The following CD226 variants were observed in gnomAD, a reference collection of about 807,000 sequenced individuals.
CD226 encodes the protein CD226 antigen.
A neutral mutation model predicts 34.9 loss-of-function variants in CD226; 24 were observed. The ratio of observed to expected loss-of-function variants is 0.69; its 90% CI spans 0.50 to 0.97. The LOEUF (loss-of-function observed/expected upper bound fraction) is 0.97, where lower values mean the gene tolerates loss of function less well. Ranked by LOEUF, CD226 falls within the 50% of genes least tolerant of loss-of-function variation. The probability of loss-of-function intolerance (pLI) is 0.00; values close to 1 mark genes in which losing one functional copy is unlikely to be tolerated. For missense variants in CD226, 397 were observed against 412.7 expected (o/e 0.96, Z 0.33); for synonymous variants, 148 against 147.4 (o/e 1.00, Z -0.03).
intron 2 of CD226, among the ~76,000 whole-genome samples, chr18:69,911,913 C>T (rs1214137464): frequency 6.6e-6 from 1 of 152,128 alleles, no homozygotes; most frequent in Non-Finnish European, 1.5e-5. Context: ...AAAAATATAT[C>T]TCTTAATCAT....
intron 3 of CD226, among the ~76,000 whole-genome samples, chr18:69,879,556 ATC>A (rs1984088825): frequency 2.0e-5 from 3 of 151,352 alleles, no homozygotes; most frequent in African/African-American, 7.3e-5. Flanking sequence ...TTCTCTGAAA[ATC>A]ACAGTTATCC....
intron 2 of CD226, among the ~76,000 whole-genome samples, chr18:69,940,184 C>T (rs2055705886): frequency 6.6e-6 from 1 of 152,296 alleles, no homozygotes; most frequent in Admixed American, 6.5e-5. Flanking sequence ...TCCCCTTCCA[C>T]CATGATTGTA....
intron 2 of CD226, among the ~76,000 whole-genome samples, chr18:69,901,643 G>A (rs570236160): frequency 6.6e-6 from 1 of 152,212 alleles, no homozygotes; most frequent in East Asian, 1.9e-4. Flanking sequence ...ACTTTGGGAG[G>A]CCGAGGCAGG....
intron 4 of CD226, among the ~76,000 whole-genome samples, chr18:69,870,272 CTTT>C (rs66643759): frequency 1.6e-5 from 2 of 124,090 alleles, no homozygotes; most frequent in Non-Finnish European, 1.7e-5. Context: ...TTGGCTCCCC[CTTT>C]TTTTTTTTTT....
intron 3 of CD226, among the ~76,000 whole-genome samples, chr18:69,884,882 A>G (rs1899355457): frequency 6.6e-6 from 1 of 152,160 alleles, no homozygotes; most frequent in Non-Finnish European, 1.5e-5. Context: ...TGTATGAGAG[A>G]GTGAGATTTC....
intron 2 of CD226, among the ~76,000 whole-genome samples, chr18:69,905,160 T>C (rs1170491343): frequency 6.6e-6 from 1 of 152,112 alleles, no homozygotes; most frequent in African/African-American, 2.4e-5. Context: ...AAACCAGCCC[T>C]GAGAAGGGAC....
intron 3 of CD226, among the ~76,000 whole-genome samples, chr18:69,883,451 C>T (rs1340906400): frequency 1.3e-5 from 2 of 152,156 alleles, no homozygotes; most frequent in Non-Finnish European, 2.9e-5. Flanking sequence ...AACCATCTTG[C>T]TTCTCATTAT....
At position 69,867,344 on chromosome 18, in the gene CD226, C is replaced by T. The variant is rs372456664; in HGVS notation, c.885+13G>A. On this transcript the variant is annotated intron_variant, in intron 5 of 5. Coordinates refer to ENST00000582621, the MANE Select transcript of CD226 (RefSeq NM_001303618.2). ...TTACAAAAGAAAAAAATGACAGTTCCGTATAAACTTACCTTCTGTGTATCC... is the reference window on the plus strand; with the variant it reads ...TTACAAAAGAAAAAAATGACAGTTCTGTATAAACTTACCTTCTGTGTATCC... The T allele has an allele frequency of 1.2e-5, 19 of 1,567,640 alleles. No individual in the cohort carries two copies. Among genetic ancestry groups the T allele is most frequent in the African/African-American group, 6.8e-5 (5 of 73,968 alleles).
upstream of CD226, among the ~76,000 whole-genome samples, chr18:69,949,913 CAT>C (rs1225766806): frequency 3.3e-5 from 5 of 152,120 alleles, no homozygotes; most frequent in Non-Finnish European, 5.9e-5. Context: ...TGCATGTGCA[CAT>C]ATACTCTCAA....
intron 3 of CD226, among the ~76,000 whole-genome samples, chr18:69,878,513 T>C (rs1363472855): frequency 2.0e-5 from 3 of 151,876 alleles, no homozygotes; most frequent in Non-Finnish European, 2.9e-5. Flanking sequence ...TTAATGTCTA[T>C]AGTTTATCCT....
chr18:69,864,550 C>T (rs1983018925), intron 5 of CD226, 111 bp from the exon 6 acceptor site: 2 of 1,029,290 alleles, frequency 1.9e-6, no homozygotes, highest in Non-Finnish European at 2.8e-6. Flanking sequence ...GACAAGTTTC[C>T]ATTATAATTA....
chr18:69,936,162 G>A (rs758499144), intron 2 of CD226, among the ~76,000 whole-genome samples: 23 of 152,134 alleles, frequency 1.5e-4, no homozygotes, highest in South Asian at 4.1e-4. Context: ...TCAGCCATTC[G>A]ATTATTGAAT....
chr18:69,894,941 CAA>C (rs1466517051), intron 3 of CD226, among the ~76,000 whole-genome samples: 1 of 151,992 alleles, frequency 6.6e-6, no homozygotes, highest in East Asian at 1.9e-4. Flanking sequence ...AAAAAAAAGA[CAA>C]ATGCCTAATA....
chr18:69,891,969 C>T (rs540189964), intron 3 of CD226, among the ~76,000 whole-genome samples: 1 of 152,302 alleles, frequency 6.6e-6, no homozygotes, highest in East Asian at 1.9e-4. Flanking sequence ...ACTCTCCATA[C>T]CAACCTAGTC....
intron 3 of CD226, among the ~76,000 whole-genome samples, chr18:69,874,897 CATG>C (rs1983766572): frequency 1.3e-5 from 2 of 152,302 alleles, no homozygotes; most frequent in South Asian, 4.1e-4. Flanking sequence ...CCCTGTCACA[CATG>C]ATATGATTTC....
chr18:69,939,369 T>C (rs1470153617), intron 2 of CD226, among the ~76,000 whole-genome samples: 1 of 152,228 alleles, frequency 6.6e-6, no homozygotes, highest in African/African-American at 2.4e-5. Context: ...CCTATTTTTT[T>C]TGGTAACTTG....
chr18:69,875,570 A>G (rs1357456187), intron 3 of CD226, among the ~76,000 whole-genome samples: 2 of 152,180 alleles, frequency 1.3e-5, no homozygotes, highest in African/African-American at 4.8e-5. Context: ...TGCCTTTTTG[A>G]TAACAGCCAT....
At chr18:69,900,755 A>T (rs935768649) in intron 2 of CD226, among the ~76,000 whole-genome samples, 48 of 151,862 alleles carry the variant, frequency 3.2e-4, no homozygotes, top group African/African-American at 1.1e-3. Context: ...AAAAAAAAAA[A>T]ATTTCTAATA....
intron 3 of CD226, among the ~76,000 whole-genome samples, chr18:69,895,198 A>T (rs1985194756): frequency 6.6e-6 from 1 of 152,190 alleles, no homozygotes; most frequent in South Asian, 2.1e-4. Context: ...TCTGAAAAAG[A>T]CTGAGAGAAA....
Sources: allele counts gnomAD v4.1 joint callset (sites outside exome capture counted in the v4.1 genomes callset), GRCh38; gene constraint gnomAD v4.1.1; transcripts MANE v1.5; gene names NCBI Gene and HGNC (gene_info 2026-07-23, HGNC 2026-07-21).